The following ADAMTS12 variants were observed in gnomAD, a reference collection of about 807,000 sequenced individuals.
ADAMTS12 encodes the protein A disintegrin and metalloproteinase with thrombospondin motifs 12.
Under a neutral mutation model 167.8 loss-of-function variants are expected in ADAMTS12, and 118 were observed. The ratio of observed to expected loss-of-function variants is 0.70; its 90% CI spans 0.61 to 0.82. The LOEUF (loss-of-function observed/expected upper bound fraction) is 0.82. Among genes scored for constraint, ADAMTS12 ranks in the 40% least tolerant of loss-of-function variants. The pLI is 0.00. For missense variants in ADAMTS12, 1,916 were observed against 1,998.8 expected, an observed-to-expected ratio of 0.96 and a Z score of 0.79; for synonymous variants, 704 against 716.9, an observed-to-expected ratio of 0.98 and a Z score of 0.29.
Position 33,658,332 on chromosome 5 carries a change from T to C in ADAMTS12, c.1042A>G (p.Lys348Glu), listed in dbSNP as rs1204638048. The C allele has an allele frequency of 4.3e-6, 7 of 1,613,226 alleles. No individual in the cohort carries two copies. The highest frequency in any genetic ancestry group is 5.9e-6 in the Non-Finnish European group (7 of 1,179,414). Residue 348 changes from lysine (K) to glutamate (E), a missense_variant and splice_region_variant, in exon 7 of 24, where the codon AAG becomes GAG. Lys to Glu is a moderately conservative substitution (Grantham distance 56). Coordinates refer to ENST00000504830, the MANE Select transcript of ADAMTS12 (RefSeq NM_030955.4). ...CGATTGAAACCAGCACAGATGTCCT[T>C]TCTGAAAGCAGAGAATACAGAAGCT... ...HHDVAVLLTR[K>E]DICAGFNRPC...
chr5:33,792,954 T>C (rs1253771637), intron 2 of ADAMTS12, among the ~76,000 whole-genome samples: 1 of 152,184 alleles, frequency 6.6e-6, no homozygotes, highest in Non-Finnish European at 1.5e-5. Flanking sequence ...GTGTCCTCTG[T>C]TGTCTCTTTC....
chr5:33,531,496 T>C (rs1264957614), intron 23 of ADAMTS12, among the ~76,000 whole-genome samples: 1 of 152,186 alleles, frequency 6.6e-6, no homozygotes, highest in Non-Finnish European at 1.5e-5. Context: ...TAACTGAGGG[T>C]TCCAGAGAAG....
rs1739879309 is a variant in ADAMTS12, at chr5:33,630,705, T to G, written c.2022+75A>C. On this transcript the variant is annotated intron_variant, in intron 13 of 23. Coordinates refer to ENST00000504830, the MANE Select transcript of ADAMTS12 (RefSeq NM_030955.4). The stretch of plus-strand genomic sequence containing the variant: ...TGTAAATGCTGTGAAAGCACAAACC[T>G]AGAACATCTGACTTCCCAAATTAGT... 5 of 1,518,666 alleles carry G rather than the reference T, an allele frequency of 3.3e-6. No homozygotes were observed. In the South Asian group the frequency reaches 6.1e-5, roughly 19 times the overall value. 94.1% of individuals were successfully genotyped at this position (1,518,666 alleles called of 1,614,324 possible). A position where few individuals can be genotyped will look rare whatever the true frequency, so the allele number is the denominator to read the frequency against.
intron 5 of ADAMTS12, among the ~76,000 whole-genome samples, chr5:33,672,042 TACTC>T (rs898269654): frequency 3.1e-5 from 4 of 130,880 alleles, no homozygotes; most frequent in Non-Finnish European, 6.4e-5. Flanking sequence ...CACACCCACA[TACTC>T]ACATACACAC....
At chr5:33,632,447 T>C (rs1405974942) in intron 12 of ADAMTS12, among the ~76,000 whole-genome samples, 3 of 122,728 alleles carry the variant, frequency 2.4e-5, no homozygotes, top group Admixed American at 8.4e-5. Flanking sequence ...AAAGCAAATA[T>C]GTAAATAAAG....
At chr5:33,888,554 A>C (rs555565745) in intron 1 of ADAMTS12, among the ~76,000 whole-genome samples, 2 of 152,312 alleles carry the variant, frequency 1.3e-5, no homozygotes, top group East Asian at 3.9e-4. Context: ...AGAATACATA[A>C]ATAATTAAAA....
intron 3 of ADAMTS12, among the ~76,000 whole-genome samples, chr5:33,703,891 C>T (rs1488024027): frequency 1.3e-5 from 2 of 152,178 alleles, no homozygotes; most frequent in African/African-American, 4.8e-5. Context: ...CCTGATCTTC[C>T]ATGAAATCAG....
intron 1 of ADAMTS12, among the ~76,000 whole-genome samples, chr5:33,889,078 G>A (rs1285336920): frequency 6.6e-6 from 1 of 152,146 alleles, no homozygotes; most frequent in Non-Finnish European, 1.5e-5. Flanking sequence ...CCCTCCTCGT[G>A]AAGGGGCATT....
At chr5:33,608,702 T>C (rs1738572298) in intron 16 of ADAMTS12, among the ~76,000 whole-genome samples, 1 of 152,154 alleles carries the variant, frequency 6.6e-6, no homozygotes. Flanking sequence ...GGAGCCTGAA[T>C]GGTAAGTGAC....
chr5:33,637,726 T>C lies in ADAMTS12; in HGVS notation c.1739A>G (p.Tyr580Cys), dbSNP rs750543618. Residue 580 changes from tyrosine to cysteine, a missense_variant, in exon 12 of 24, where the codon TAT becomes TGT. Physicochemically the swap from Tyr to Cys is radical, Grantham distance 194. Coordinates refer to ENST00000504830, the MANE Select transcript of ADAMTS12 (RefSeq NM_030955.4). Reference sequence around the variant, plus strand: ...ATAGCGTTTTCTTTCTCCAGTGCAATATTTCCCTCCAAACTTTGGCCTGCA... The same window carrying C: ...ATAGCGTTTTCTTTCTCCAGTGCAACATTTCCCTCCAAACTTTGGCCTGCA... Reference protein sequence around the residue: ...NNPEPKFGGKYCTGERKRYRL... With the variant: ...NNPEPKFGGKCCTGERKRYRL... 6.2e-7 allele frequency: 1 copy of C among 1,613,180 alleles called. No individual in the cohort carries two copies. The highest frequency in any genetic ancestry group is 1.7e-5 in the Admixed American group (1 of 59,922).
At chr5:33,542,228 CAA>C (rs1433437289) in intron 22 of ADAMTS12, among the ~76,000 whole-genome samples, 1 of 151,970 alleles carries the variant, frequency 6.6e-6, no homozygotes, top group East Asian at 1.9e-4. Context: ...CAACAAAGAT[CAA>C]AAGAGACAAA....
chr5:33,529,550 G>A (rs1743993524), intron 23 of ADAMTS12, among the ~76,000 whole-genome samples: 1 of 152,126 alleles, frequency 6.6e-6, no homozygotes, highest in African/African-American at 2.4e-5. Flanking sequence ...GGAACAGTCA[G>A]GAAAAGTAGA....
At chr5:33,602,837 T>G (rs576230296) in intron 16 of ADAMTS12, among the ~76,000 whole-genome samples, 8 of 152,342 alleles carry the variant, frequency 5.3e-5, no homozygotes, top group African/African-American at 1.9e-4. Flanking sequence ...TTATTTCCAA[T>G]GAATGTGATC....
intron 3 of ADAMTS12, among the ~76,000 whole-genome samples, chr5:33,691,041 A>G (rs1042009219): frequency 9.2e-5 from 14 of 152,196 alleles, no homozygotes; most frequent in Non-Finnish European, 7.3e-5. Context: ...GGATTGGGGA[A>G]TAACTCAGGG....
chr5:33,754,899 T>C (rs1214472774), intron 2 of ADAMTS12, among the ~76,000 whole-genome samples: 2 of 152,184 alleles, frequency 1.3e-5, no homozygotes, highest in African/African-American at 2.4e-5. Context: ...TATCTGTGAA[T>C]GCTTCCCAAG....
intron 2 of ADAMTS12, among the ~76,000 whole-genome samples, chr5:33,850,153 C>A (rs545820647): frequency 6.6e-6 from 1 of 152,182 alleles, no homozygotes; most frequent in Admixed American, 6.5e-5. Flanking sequence ...CACCACCAGA[C>A]TGTGACCCAC....
chr5:33,687,453 AAAAC>A (rs1742374766), intron 3 of ADAMTS12, among the ~76,000 whole-genome samples: 1 of 152,240 alleles, frequency 6.6e-6, no homozygotes, highest in Non-Finnish European at 1.5e-5. Context: ...CACTACAGCA[AAAAC>A]AAACATTTAT....
intron 13 of ADAMTS12, among the ~76,000 whole-genome samples, chr5:33,629,361 ATAT>A (rs1359897975): frequency 1.5e-5 from 2 of 134,578 alleles, no homozygotes; most frequent in Non-Finnish European, 3.1e-5. Flanking sequence ...GTGGAAAAAC[ATAT>A]TATAAATATT....
intron 11 of ADAMTS12, 77 bp from the exon 12 acceptor site, chr5:33,637,823 T>C: frequency 6.8e-7 from 1 of 1,476,940 alleles, no homozygotes. Context: ...CTCTGGTATC[T>C]GGCCTTGACA....
Sources: allele counts gnomAD v4.1 joint callset (sites outside exome capture counted in the v4.1 genomes callset), GRCh38; gene constraint gnomAD v4.1.1; transcripts MANE v1.5; gene names NCBI Gene and HGNC (gene_info 2026-07-23, HGNC 2026-07-21).